The following SOCS7 variants were observed in gnomAD, a reference collection of about 807,000 sequenced individuals.
The protein encoded by SOCS7 is NAP-4.
A neutral mutation model predicts 58.9 loss-of-function variants in SOCS7; 18 were observed. That is an observed-to-expected ratio of 0.31 (90% CI 0.21 to 0.45). SOCS7 has a LOEUF of 0.45. Ranked by LOEUF, SOCS7 falls within the 20% of genes least tolerant of loss-of-function variation. The probability of loss-of-function intolerance (pLI) is 1.00; values close to 1 mark genes in which losing one functional copy is unlikely to be tolerated. For synonymous variants in SOCS7, 388 were observed against 364.3 expected, an observed-to-expected ratio of 1.06 and a Z score of -0.74; for missense variants, 667 against 837.3, an observed-to-expected ratio of 0.80 and a Z score of 2.51.
chr17:38,366,071 A>G, intron 4 of SOCS7: 2 of 1,253,066 alleles, frequency 1.6e-6, no homozygotes, highest in Non-Finnish European at 2.1e-6. Context: ...CTTGGGGTCA[A>G]GTGCCCCCAC....
chr17:38,363,015 G>A (rs1163589700), intron 2 of SOCS7, among the ~76,000 whole-genome samples: 13 of 152,084 alleles, frequency 8.5e-5, no homozygotes, highest in Admixed American at 7.9e-4. Flanking sequence ...TCGGGAGGCC[G>A]AGGCAGGAGA....
chr17:38,387,577 C>G (rs375601041), intron 7 of SOCS7, among the ~76,000 whole-genome samples: 1 of 107,000 alleles, frequency 9.3e-6, no homozygotes, highest in Non-Finnish European at 1.7e-5. Flanking sequence ...TATATATACA[C>G]AATATATTGT....
chr17:38,356,841 AAC>A (rs1464428605), intron 1 of SOCS7, among the ~76,000 whole-genome samples: 5 of 152,204 alleles, frequency 3.3e-5, no homozygotes, highest in Admixed American at 6.5e-5. Flanking sequence ...ATTTCAGGAA[AAC>A]CAGTGGAGTT....
Position 38,359,208 on chromosome 17 carries a change from G to C in SOCS7, c.981-2503G>C, listed in dbSNP as rs587610885. Among the ~76,000 whole-genome samples, 21 of 152,318 alleles carry C rather than the reference G, an allele frequency of 1.4e-4. No individual in the cohort carries two copies. In the East Asian group the frequency reaches 3.8e-3, roughly 28 times the overall value. On this transcript the variant is annotated intron_variant, in intron 1 of 9. Transcript: ENST00000612932. Reference sequence around the variant, plus strand: ...GTTCATGTCCAGTGGAATTAACATTGCATTCCATTCCTCTGGATTTTTGGA... The same window carrying C: ...GTTCATGTCCAGTGGAATTAACATTCCATTCCATTCCTCTGGATTTTTGGA...
At chr17:38,356,896 G>A (rs2037647640) in intron 1 of SOCS7, among the ~76,000 whole-genome samples, 1 of 152,126 alleles carries the variant, frequency 6.6e-6, no homozygotes, top group South Asian at 2.1e-4. Flanking sequence ...GCCTTCCTTT[G>A]GATTTGGTGA....
At position 38,383,271 on chromosome 17, in the gene SOCS7, G is replaced by GTT. The variant is rs745995250; in HGVS notation, c.1681+5430_1681+5431dup. On this transcript the variant is annotated intron_variant, in intron 7 of 9. Coordinates refer to ENST00000612932, the MANE Select transcript of SOCS7 (RefSeq NM_014598.4). Reference sequence around the variant, plus strand: ...TAGGGTTGTTTTGAGGAATGCAAGAGTTAACTCATGTAAAATATTTAAGAC... The same window carrying GTT: ...TAGGGTTGTTTTGAGGAATGCAAGAGTTTTAACTCATGTAAAATATTTAAGAC... 5.4e-4 allele frequency among the ~76,000 whole-genome samples: 82 copies of GTT among 152,242 alleles called. No individual in the cohort carries two copies. In the Middle Eastern group the frequency reaches 0.01, roughly 19 times the overall value.
intron 7 of SOCS7, among the ~76,000 whole-genome samples, chr17:38,380,032 G>A (rs2037981052): frequency 6.6e-6 from 1 of 152,112 alleles, no homozygotes; most frequent in South Asian, 2.1e-4. Context: ...CTCTGCCTGT[G>A]GACAAGCCCG....
At chr17:38,376,097 G>A (rs1201786500) in intron 6 of SOCS7, 1 of 152,182 alleles carries the variant, frequency 6.6e-6, no homozygotes, top group East Asian at 1.9e-4. Flanking sequence ...GTATTAAACA[G>A]TGAAATATAT....
chr17:38,377,588 C>T, intron 6 of SOCS7, 126 bp from the exon 7 acceptor site: 12 of 764,686 alleles, frequency 1.6e-5, no homozygotes, highest in South Asian at 2.2e-5. Context: ...CTTCAGAGAC[C>T]TTTGAGCCAG....
intron 5 of SOCS7, among the ~76,000 whole-genome samples, chr17:38,367,566 T>G (rs1468061065): frequency 2.3e-4 from 32 of 140,002 alleles, no homozygotes; most frequent in East Asian, 1.3e-3. Flanking sequence ...TAGAGATGGG[T>G]TTTCACCATG....
chr17:38,373,105 T>TC (rs1555569257), intron 6 of SOCS7, among the ~76,000 whole-genome samples: 1 of 141,482 alleles, frequency 7.1e-6, no homozygotes, highest in Non-Finnish European at 1.5e-5. Flanking sequence ...GAACTCTGTC[T>TC]CAAAAAAAAA....
In SOCS7 at chr17:38,387,133, G is replaced by GTGTGTATATA. The variant is rs1269515665; in HGVS notation, c.1682-8175_1682-8174insGTGTATATAT. On this transcript the variant is annotated intron_variant, in intron 7 of 9. Transcript: ENST00000612932. ...TATATATATATATATATATATGTAT[G>GTGTGTATATA]TATATATATATATATATATGATTAA... 4.1e-5 allele frequency among the ~76,000 whole-genome samples: 3 copies of GTGTGTATATA among 73,484 alleles called. No homozygotes were observed. In the East Asian group the frequency reaches 1.3e-3, roughly 31 times the overall value. The allele number at this position is 73,484 out of a possible 152,430, so 48.2% of individuals were successfully genotyped here.
Position 38,366,255 on chromosome 17 carries a change from AAAC to A in SOCS7, c.1253-29_1253-27del, listed in dbSNP as rs776845960. The A allele has an allele frequency of 3.1e-6, 5 of 1,609,576 alleles. No homozygotes were observed. In the African/African-American group the frequency reaches 6.7e-5, roughly 22 times the overall value. On this transcript the variant is annotated intron_variant, in intron 4 of 9. Coordinates refer to ENST00000612932, the MANE Select transcript of SOCS7 (RefSeq NM_014598.4). Reference sequence around the variant, plus strand: ...ATTTGTGGTTGGGAGCAGTGAGGGTAAACAAGTGACCACCACTGTCTTGCCCTG... The same window carrying A: ...ATTTGTGGTTGGGAGCAGTGAGGGTAAAGTGACCACCACTGTCTTGCCCTG...
chr17:38,404,638 TAG>T lies in SOCS7; in HGVS notation c.*5159_*5160del, dbSNP rs2038366281. 1 of 152,214 alleles carries T rather than the reference TAG, an allele frequency of 6.6e-6. No homozygotes were observed. The highest frequency in any genetic ancestry group is 6.5e-5 in the Admixed American group (1 of 15,276). 9.4% of individuals were successfully genotyped at this position (152,214 alleles called of 1,614,324 possible). On this transcript the variant is annotated 3_prime_UTR_variant, in exon 10 of 10. Coordinates refer to ENST00000612932, the MANE Select transcript of SOCS7 (RefSeq NM_014598.4). ...CTGCGATCGTAGTTCCTCCTGGAGA[TAG>T]AGTGTGAGGAACTTAGGACACTCTT...
chr17:38,389,481 A>G (rs1365708308), intron 7 of SOCS7, among the ~76,000 whole-genome samples: 5 of 152,136 alleles, frequency 3.3e-5, no homozygotes, highest in Non-Finnish European at 5.9e-5. Flanking sequence ...GCTTGAGTCC[A>G]GGAGGTGGAG....
intron 7 of SOCS7, among the ~76,000 whole-genome samples, chr17:38,390,884 T>TG (rs2038164814): frequency 6.6e-6 from 1 of 151,992 alleles, no homozygotes; most frequent in South Asian, 2.1e-4. Context: ...TTAGTAGAGA[T>TG]GGGGTCTCAC....
At position 38,402,002 on chromosome 17, in the gene SOCS7, C is replaced by A. The variant is rs1275417023; in HGVS notation, c.*2520C>A. On this transcript the variant is annotated 3_prime_UTR_variant, in exon 10 of 10. Coordinates refer to ENST00000612932, the MANE Select transcript of SOCS7 (RefSeq NM_014598.4). ...ATGTGAGGGAGGCAGAGCCTCTGCA[C>A]CCCCTGTGTTACTGGGGTTTCTTCT... 6.6e-6 allele frequency: 1 copy of A among 152,228 alleles called. No homozygotes were observed. The highest frequency in any genetic ancestry group is 1.5e-5 in the Non-Finnish European group (1 of 68,078). 9.4% of individuals were successfully genotyped at this position (152,228 alleles called of 1,614,324 possible).
At chr17:38,391,385 A>G (rs763929272) in intron 7 of SOCS7, among the ~76,000 whole-genome samples, 1 of 152,050 alleles carries the variant, frequency 6.6e-6, no homozygotes, top group Non-Finnish European at 1.5e-5. Flanking sequence ...ACAGTGCTTC[A>G]CTGTTAGCTG....
intron 1 of SOCS7, among the ~76,000 whole-genome samples, chr17:38,353,722 G>A (rs2037593894): frequency 6.6e-6 from 1 of 152,092 alleles, no homozygotes; most frequent in Non-Finnish European, 1.5e-5. Context: ...TGGGCAACAT[G>A]CGAAACCCCA....
Sources: allele counts gnomAD v4.1 joint callset (sites outside exome capture counted in the v4.1 genomes callset), GRCh38; gene constraint gnomAD v4.1.1; transcripts MANE v1.5; gene names NCBI Gene and HGNC (gene_info 2026-07-23, HGNC 2026-07-21).